ARFIP1: variants seen among roughly 807,000 people sequenced by gnomAD.
The protein encoded by ARFIP1 is arfaptin-1.
In ARFIP1, 24 loss-of-function variants were observed where a neutral mutation model predicts 42.5. The observed-to-expected ratio is 0.57, with a 90% CI of 0.41 to 0.80. ARFIP1 has a LOEUF of 0.80. Among genes scored for constraint, ARFIP1 ranks in the 30% least tolerant of loss-of-function variants. The pLI, the probability that ARFIP1 is intolerant of heterozygous loss-of-function variation, is 0.00. For synonymous variants in ARFIP1, 141 were observed against 153.7 expected (o/e 0.92, Z 0.61); for missense variants, 354 against 434.0 (o/e 0.82, Z 1.64).
intron 1 of ARFIP1, among the ~76,000 whole-genome samples, chr4:152,788,941 G>A (rs1730982784): frequency 6.6e-6 from 1 of 151,336 alleles, no homozygotes; most frequent in African/African-American, 2.4e-5. Context: ...GAAGATTACT[G>A]CCTGGTCAGG....
At chr4:152,889,650 T>A (rs1441853806) in intron 8 of ARFIP1, among the ~76,000 whole-genome samples, 9 of 130,350 alleles carry the variant, frequency 6.9e-5, no homozygotes, top group Non-Finnish European at 1.3e-4. Flanking sequence ...ATGCACTATA[T>A]ATAGTATATA....
chr4:152,855,147 G>A (rs1392869905), intron 2 of ARFIP1, among the ~76,000 whole-genome samples: 10 of 152,180 alleles, frequency 6.6e-5, no homozygotes, highest in Non-Finnish European at 1.5e-4. Context: ...ATGCAACTAG[G>A]TGCCAGCTGA....
At chr4:152,810,342 GTTA>G (rs1260762859) in intron 1 of ARFIP1, 1 of 152,126 alleles carries the variant, frequency 6.6e-6, no homozygotes, top group Non-Finnish European at 1.5e-5. Context: ...ATTATGTAAA[GTTA>G]TTATTAAATA....
intron 8 of ARFIP1, among the ~76,000 whole-genome samples, chr4:152,909,854 C>CTAT (rs541881094): frequency 3.9e-5 from 6 of 152,140 alleles, no homozygotes; most frequent in Non-Finnish European, 8.8e-5. Context: ...TAAAACTGAC[C>CTAT]TATTCTCTTT....
chr4:152,872,432 T>C lies in ARFIP1; in HGVS notation c.299-20T>C. The C allele has an allele frequency of 6.7e-7, 1 of 1,503,088 alleles. No homozygotes were observed. The highest frequency in any genetic ancestry group is 9.2e-7 in the Non-Finnish European group (1 of 1,083,904). The allele number at this position is 1,503,088 out of a possible 1,614,324, so 93.1% of individuals were successfully genotyped here. A position where few individuals can be genotyped will look rare whatever the true frequency, so the allele number is the denominator to read the frequency against. ...CTTGTCTTCATCTGGATTGTGTTTT[T>C]ATCTTTTGTTATCTTGCAGGTGGCC... On this transcript the variant is annotated intron_variant, in intron 4 of 8. Transcript: ENST00000353617.
intron 1 of ARFIP1, among the ~76,000 whole-genome samples, chr4:152,824,510 C>CCTCA (rs1481123062): frequency 1.3e-5 from 2 of 151,906 alleles, no homozygotes; most frequent in Non-Finnish European, 2.9e-5. Flanking sequence ...TGATAAAAAC[C>CCTCA]CTCAACAAAC....
intron 1 of ARFIP1, among the ~76,000 whole-genome samples, chr4:152,815,056 C>G (rs1306859840): frequency 1.3e-5 from 2 of 152,168 alleles, no homozygotes; most frequent in Non-Finnish European, 2.9e-5. Context: ...CAGAAGCCCC[C>G]TGTTATGTTT....
chr4:152,821,266 A>C (rs754241358), intron 1 of ARFIP1, among the ~76,000 whole-genome samples: 1 of 152,240 alleles, frequency 6.6e-6, no homozygotes, highest in Non-Finnish European at 1.5e-5. Flanking sequence ...GATATGAATG[A>C]AAATTTTCTA....
chr4:152,907,008 C>T (rs998346864), intron 8 of ARFIP1, among the ~76,000 whole-genome samples: 3 of 152,238 alleles, frequency 2.0e-5, no homozygotes, highest in African/African-American at 7.2e-5. Context: ...CCCAGACATA[C>T]ATCTCACATT....
At chr4:152,802,250 G>A (rs1428661749) in intron 1 of ARFIP1, among the ~76,000 whole-genome samples, 2 of 152,142 alleles carry the variant, frequency 1.3e-5, no homozygotes, top group African/African-American at 4.8e-5. Context: ...TGCATAATTA[G>A]TCCACTAAGC....
intron 8 of ARFIP1, among the ~76,000 whole-genome samples, chr4:152,898,211 T>C (rs1392402903): frequency 6.6e-6 from 1 of 152,028 alleles, no homozygotes; most frequent in Non-Finnish European, 1.5e-5. Flanking sequence ...CTTGAACTCC[T>C]GACCTTGTGA....
intron 8 of ARFIP1, among the ~76,000 whole-genome samples, chr4:152,891,317 A>G (rs1226417185): frequency 2.0e-5 from 3 of 152,240 alleles, no homozygotes; most frequent in African/African-American, 7.2e-5. Flanking sequence ...GTAATCAGCT[A>G]TGTCTAAAGT....
At chr4:152,874,888 C>G (rs750149854) in intron 5 of ARFIP1, among the ~76,000 whole-genome samples, 23 of 152,192 alleles carry the variant, frequency 1.5e-4, no homozygotes, top group Non-Finnish European at 2.6e-4. Flanking sequence ...GTCTTGAACT[C>G]CTGGGTTCAA....
intron 1 of ARFIP1, among the ~76,000 whole-genome samples, chr4:152,819,927 A>G (rs998241215): frequency 5.9e-5 from 9 of 152,162 alleles, no homozygotes; most frequent in African/African-American, 2.2e-4. Context: ...CAGGGTGACT[A>G]CATCCACATA....
At chr4:152,888,712 A>G (rs1249475245) in intron 8 of ARFIP1, among the ~76,000 whole-genome samples, 1 of 152,148 alleles carries the variant, frequency 6.6e-6, no homozygotes, top group Non-Finnish European at 1.5e-5. Flanking sequence ...AAAAATAGCT[A>G]AAAGGTCCAG....
chr4:152,830,358 A>G (rs1332701900), intron 2 of ARFIP1, among the ~76,000 whole-genome samples: 1 of 152,182 alleles, frequency 6.6e-6, no homozygotes, highest in African/African-American at 2.4e-5. Context: ...TATCTTATTT[A>G]CTTTCATGAA....
chr4:152,790,728 CT>C (rs781615063), intron 1 of ARFIP1, among the ~76,000 whole-genome samples: 1,278 of 106,052 alleles, frequency 0.012, 1 homozygote, highest in African/African-American at 0.028. Flanking sequence ...ATGTGTTTAT[CT>C]TTTTTTTTTT....
chr4:152,890,007 A>T (rs1483376195), intron 8 of ARFIP1, among the ~76,000 whole-genome samples: 1 of 149,282 alleles, frequency 6.7e-6, no homozygotes, highest in Non-Finnish European at 1.5e-5. Context: ...ATGGATGTGA[A>T]TATATCAATA....
In ARFIP1 at chr4:152,911,896, G is replaced by A. The variant is rs938687028; in HGVS notation, c.*1677G>A. The A allele has an allele frequency of 5.3e-5, 8 of 152,222 alleles. No individual in the cohort carries two copies. Among genetic ancestry groups the A allele is most frequent in the East Asian group, 1.9e-4 (1 of 5,186 alleles). 9.4% of individuals were successfully genotyped at this position (152,222 alleles called of 1,614,324 possible). On this transcript the variant is annotated 3_prime_UTR_variant, in exon 9 of 9. Transcript: ENST00000353617. ...TGTGAATTTTGTATTCTTATTAAAC[G>A]TGTTTGCTGCAGTAAATCGTTTCTC...
Sources: allele counts gnomAD v4.1 joint callset (sites outside exome capture counted in the v4.1 genomes callset), GRCh38; gene constraint gnomAD v4.1.1; transcripts MANE v1.5; gene names NCBI Gene and HGNC (gene_info 2026-07-23, HGNC 2026-07-21).